MTMR3: variants seen among roughly 807,000 people sequenced by gnomAD.
The protein encoded by MTMR3 is myotubularin related protein 3, also known as phosphatidylinositol-3,5-bisphosphate 3-phosphatase MTMR3.
Under a neutral mutation model 132.4 loss-of-function variants are expected in MTMR3, and 32 were observed. The observed-to-expected ratio is 0.24, with a 90% CI of 0.18 to 0.32. MTMR3 has a LOEUF of 0.32. Ranked by LOEUF, MTMR3 falls within the 10% of genes least tolerant of loss-of-function variation. The pLI is 1.00. For missense variants in MTMR3, 1,216 were observed against 1,489.6 expected, an observed-to-expected ratio of 0.82 and a Z score of 3.02; for synonymous variants, 556 against 550.3, an observed-to-expected ratio of 1.01 and a Z score of -0.14.
chr22:30,014,526 T>TC (rs2067523985), intron 14 of MTMR3: 2 of 97,554 alleles, frequency 2.1e-5, no homozygotes, highest in African/African-American at 7.8e-5. Context: ...TTTTTTTTTT[T>TC]CAGATAGTAT....
intron 1 of MTMR3, among the ~76,000 whole-genome samples, chr22:29,926,501 T>C (rs1052340445): frequency 3.9e-5 from 6 of 152,252 alleles, no homozygotes; most frequent in African/African-American, 1.4e-4. Flanking sequence ...GTCACATTCC[T>C]ATCAGCAATT....
chr22:29,883,577 C>T (rs548575419), intron 1 of MTMR3, among the ~76,000 whole-genome samples: 130 of 152,068 alleles, frequency 8.5e-4, no homozygotes, highest in African/African-American at 2.9e-3. Context: ...AATGGGAGCT[C>T]GGCGGCCGAG....
intron 9 of MTMR3, chr22:30,004,897 G>C (rs1021554453): frequency 1.3e-5 from 2 of 152,254 alleles, no homozygotes; most frequent in Non-Finnish European, 2.9e-5. Context: ...GCCAGCAGCA[G>C]TTACTTGACA....
In MTMR3 at chr22:30,006,618, C is replaced by T. The variant is rs570093242; in HGVS notation, c.672-496C>T. On this transcript the variant is annotated intron_variant, in intron 9 of 19. Transcript: ENST00000401950. Reference sequence around the variant, plus strand: ...AAGCTGGAGTGCTGGAGTGCAGTGGCACAATCATAGCTTTCTGCAACTTCA... The same window carrying T: ...AAGCTGGAGTGCTGGAGTGCAGTGGTACAATCATAGCTTTCTGCAACTTCA... The T allele has an allele frequency of 2.5e-5, 4 of 157,208 alleles. No homozygotes were observed. The South Asian group carries it at 7.5e-4, about 29-fold the overall frequency. The allele number at this position is 157,208 out of a possible 1,614,324, so 9.7% of individuals were successfully genotyped here.
At position 29,921,854 on chromosome 22, in the gene MTMR3, CT is replaced by C. The variant is rs753433565; in HGVS notation, c.-137-35170del. Among the ~76,000 whole-genome samples, 872 of 118,198 alleles carry C rather than the reference CT, an allele frequency of 7.4e-3. 3 individuals are homozygous for C. The highest frequency in any genetic ancestry group is 0.024 in the African/African-American group (754 of 31,938). 77.5% of individuals were successfully genotyped at this position (118,198 alleles called of 152,430 possible). A position where few individuals can be genotyped will look rare whatever the true frequency, so the allele number is the denominator to read the frequency against. ...GTACATCCATGTCTTTTTTTTTTTT[CT>C]TTTTTTTTTTTGAGACAGAGTGTCA... On this transcript the variant is annotated intron_variant, in intron 1 of 19. Transcript: ENST00000401950.
At chr22:29,973,609 A>AT (rs974543185) in intron 3 of MTMR3, among the ~76,000 whole-genome samples, 2 of 151,984 alleles carry the variant, frequency 1.3e-5, no homozygotes, top group East Asian at 1.9e-4. Context: ...CATGTACTTT[A>AT]TTTTTTTGAA....
At chr22:29,915,755 G>A (rs1442846689) in intron 1 of MTMR3, among the ~76,000 whole-genome samples, 3 of 152,142 alleles carry the variant, frequency 2.0e-5, no homozygotes, top group African/African-American at 7.2e-5. Context: ...GTTATTAAAT[G>A]ATGGGTTTAC....
intron 5 of MTMR3, 99 bp from the exon 6 acceptor site, chr22:29,988,381 C>T (rs779137446): frequency 1.3e-6 from 1 of 797,796 alleles, no homozygotes; most frequent in Admixed American, 2.7e-5. Context: ...TTGTTGCTTT[C>T]CCTTATAGAT....
intron 1 of MTMR3, among the ~76,000 whole-genome samples, chr22:29,915,914 ATTTG>A (rs1464734129): frequency 6.6e-6 from 1 of 151,442 alleles, no homozygotes; most frequent in Non-Finnish European, 1.5e-5. Flanking sequence ...AGATATACTT[ATTTG>A]TTCTATTTTT....
chr22:30,004,764 G>A (rs1283111409), intron 9 of MTMR3: 2 of 152,242 alleles, frequency 1.3e-5, no homozygotes, highest in African/African-American at 4.8e-5. Flanking sequence ...TAAGGGGCGT[G>A]TGGAAGAATC....
intron 5 of MTMR3, chr22:29,984,093 A>G (rs1359130190): frequency 6.6e-6 from 1 of 152,098 alleles, no homozygotes; most frequent in Non-Finnish European, 1.5e-5. Context: ...TGCTGGGTTT[A>G]TAGATGTGAG....
In MTMR3 at chr22:29,902,797, C is replaced by T. The variant is rs898172248; in HGVS notation, c.-138+19438C>T. On this transcript the variant is annotated intron_variant, in intron 1 of 19. Coordinates refer to ENST00000401950, the MANE Select transcript of MTMR3 (RefSeq NM_021090.4). The stretch of plus-strand genomic sequence containing the variant: ...GTATTAATATTGATAAGCAGAGTTT[C>T]ATGTGAATAAGACATAAAACTTAGG... Among the ~76,000 whole-genome samples the T allele has an allele frequency of 2.6e-5, 4 of 152,300 alleles. No homozygotes were observed. In the East Asian group the frequency reaches 7.7e-4, roughly 29 times the overall value.
chr22:29,983,824 G>C lies in MTMR3; in HGVS notation c.211-4656G>C, dbSNP rs1019637885. On this transcript the variant is annotated intron_variant, in intron 5 of 19. Coordinates refer to ENST00000401950, the MANE Select transcript of MTMR3 (RefSeq NM_021090.4). ...AGTTAATTTAATTTTATTTTTTGTAGAGATGATGTCTGTGTTGCCCAGGTT... is the reference window on the plus strand; with the variant it reads ...AGTTAATTTAATTTTATTTTTTGTACAGATGATGTCTGTGTTGCCCAGGTT... 6.6e-5 allele frequency: 10 copies of C among 152,088 alleles called. No individual in the cohort carries two copies. In the East Asian group the frequency reaches 1.2e-3, roughly 18 times the overall value. The allele number at this position is 152,088 out of a possible 1,614,324, so 9.4% of individuals were successfully genotyped here. A position where few individuals can be genotyped will look rare whatever the true frequency, so the allele number is the denominator to read the frequency against.
At chr22:29,951,817 C>T (rs151171547) in intron 1 of MTMR3, among the ~76,000 whole-genome samples, 3 of 151,500 alleles carry the variant, frequency 2.0e-5, no homozygotes, top group Non-Finnish European at 2.9e-5. Context: ...TCTATTGAAA[C>T]AGAGTTTTCA....
At chr22:29,988,695 G>A in intron 6 of MTMR3, 133 bp downstream of exon 6, 2 of 529,420 alleles carry the variant, frequency 3.8e-6, no homozygotes, top group East Asian at 3.2e-5. Context: ...TGAGTAGTTT[G>A]TGCCTGAAAT....
intron 1 of MTMR3, among the ~76,000 whole-genome samples, chr22:29,938,447 T>A (rs1032002018): frequency 2.6e-4 from 39 of 152,234 alleles, no homozygotes; most frequent in African/African-American, 9.2e-4. Context: ...GAGGGAGAGG[T>A]CTCACTGCTC....
intron 5 of MTMR3, chr22:29,980,971 C>G (rs1434922739): frequency 6.6e-6 from 1 of 152,222 alleles, no homozygotes; most frequent in Non-Finnish European, 1.5e-5. Flanking sequence ...TTGTACTATT[C>G]AGCCATACCT....
intron 1 of MTMR3, among the ~76,000 whole-genome samples, chr22:29,890,127 C>T (rs896846519): frequency 4.6e-5 from 7 of 151,648 alleles, no homozygotes; most frequent in South Asian, 2.1e-4. Context: ...AGGATGGCCT[C>T]GATCTCCTGA....
At chr22:29,955,804 C>T (rs997139711) in intron 1 of MTMR3, among the ~76,000 whole-genome samples, 1 of 151,930 alleles carries the variant, frequency 6.6e-6, no homozygotes, top group Non-Finnish European at 1.5e-5. Context: ...AAGGCTGGAG[C>T]GCAGTGGCGC....
Sources: gnomAD v4.1 joint callset for allele counts (sites outside exome capture counted in the v4.1 genomes callset) on GRCh38, gnomAD v4.1.1 for gene constraint, MANE v1.5 for transcripts, NCBI Gene and HGNC (gene_info 2026-07-23, HGNC 2026-07-21) for gene names.